TEKT5: variants seen among roughly 807,000 people sequenced by gnomAD.
TEKT5 encodes the protein tektin-5.
TEKT5 carries 52 observed loss-of-function variants against 48.7 expected under a neutral mutation model. The ratio of observed to expected loss-of-function variants is 1.07; its 90% CI spans 0.86 to 1.35. TEKT5 has a LOEUF of 1.35. Among genes scored for constraint, TEKT5 ranks in the 40% most tolerant of loss-of-function variants. TEKT5 has a pLI of 0.00. For synonymous variants in TEKT5, 318 were observed against 267.6 expected (o/e 1.19, Z -1.84); for missense variants, 831 against 641.6 (o/e 1.30, Z -3.19).
intron 5 of TEKT5, among the ~76,000 whole-genome samples, chr16:10,672,435 T>A (rs1898564625): frequency 6.6e-6 from 1 of 151,874 alleles, no homozygotes; most frequent in African/African-American, 2.4e-5. Flanking sequence ...CTACAAAAAA[T>A]ACAAAAATTA....
chr16:10,693,815 C>CA (rs1247822893), intron 1 of TEKT5, among the ~76,000 whole-genome samples: 1 of 152,074 alleles, frequency 6.6e-6, no homozygotes, highest in African/African-American at 2.4e-5. Context: ...ACTAAAAATA[C>CA]AAAAATTAGC....
chr16:10,688,830 G>A (rs1285765230), intron 3 of TEKT5, among the ~76,000 whole-genome samples: 1 of 152,188 alleles, frequency 6.6e-6, no homozygotes, highest in Non-Finnish European at 1.5e-5. Flanking sequence ...CCAGCCCCTG[G>A]CCTTGCTACC....
intron 5 of TEKT5, among the ~76,000 whole-genome samples, chr16:10,637,399 GGAA>G (rs1897930998): frequency 6.6e-6 from 1 of 151,292 alleles, no homozygotes; most frequent in African/African-American, 2.4e-5. Context: ...GAATAAAGAA[GGAA>G]GAAGGGAAGG....
At chr16:10,689,456 G>C in intron 2 of TEKT5, 133 bp from the exon 3 acceptor site, 1 of 752,220 alleles carries the variant, frequency 1.3e-6, no homozygotes, top group South Asian at 1.7e-5. Flanking sequence ...TGTCAGCGTG[G>C]GGCCCCGCCT....
intron 1 of TEKT5, chr16:10,691,202 G>GCCTATAGTC (rs981392907): frequency 6.6e-6 from 1 of 152,278 alleles, no homozygotes; most frequent in Non-Finnish European, 1.5e-5. Context: ...GGTGGTGCAT[G>GCCTATAGTC]CCTATAGTCC....
chr16:10,630,130 C>T (rs1897816812), intron 6 of TEKT5, among the ~76,000 whole-genome samples: 1 of 152,080 alleles, frequency 6.6e-6, no homozygotes, highest in South Asian at 2.1e-4. Flanking sequence ...GACAGGGTTT[C>T]ACCATGTTGC....
intron 5 of TEKT5, among the ~76,000 whole-genome samples, chr16:10,656,337 T>G (rs1210368812): frequency 6.6e-6 from 1 of 152,238 alleles, no homozygotes; most frequent in Non-Finnish European, 1.5e-5. Flanking sequence ...CTGCAATCTA[T>G]GCCTCCTGGG....
At chr16:10,691,622 G>C (rs1898978442) in intron 1 of TEKT5, among the ~76,000 whole-genome samples, 1 of 152,114 alleles carries the variant, frequency 6.6e-6, no homozygotes, top group Admixed American at 6.6e-5. Flanking sequence ...AGGGGTTATG[G>C]GGAGGGGTGG....
intron 1 of TEKT5, chr16:10,690,844 A>G: frequency 1.1e-6 from 1 of 939,546 alleles, no homozygotes; most frequent in Non-Finnish European, 1.3e-6. Flanking sequence ...AGGAAGCAGG[A>G]TGTCAAGGTC....
At chr16:10,652,992 G>C (rs890790131) in intron 5 of TEKT5, among the ~76,000 whole-genome samples, 1 of 151,856 alleles carries the variant, frequency 6.6e-6, no homozygotes, top group Non-Finnish European at 1.5e-5. Context: ...CACATGCACA[G>C]AGCTGGCATC....
intron 1 of TEKT5, among the ~76,000 whole-genome samples, chr16:10,692,392 G>A (rs1368359183): frequency 6.6e-6 from 1 of 152,136 alleles, no homozygotes; most frequent in Non-Finnish European, 1.5e-5. Context: ...GAGATCCGGA[G>A]GCAGGATCTC....
At chr16:10,629,987 G>A (rs1897814561) in intron 6 of TEKT5, among the ~76,000 whole-genome samples, 1 of 152,062 alleles carries the variant, frequency 6.6e-6, no homozygotes, top group Non-Finnish European at 1.5e-5. Flanking sequence ...CTAGGCCAGA[G>A]TGCAGTGGTG....
At chr16:10,647,709 CTT>C (rs1013048366) in intron 5 of TEKT5, among the ~76,000 whole-genome samples, 1 of 152,216 alleles carries the variant, frequency 6.6e-6, no homozygotes, top group African/African-American at 2.4e-5. Context: ...GGACCTGAAA[CTT>C]TACAAAAGGC....
chr16:10,680,030 G>A (rs986383652), intron 4 of TEKT5, among the ~76,000 whole-genome samples: 2 of 152,364 alleles, frequency 1.3e-5, no homozygotes, highest in African/African-American at 2.4e-5. Flanking sequence ...GGGACTTTAA[G>A]GAGCAGGTCC....
At chr16:10,640,127 C>CTTCCTCCTCCCCCTTTCCTCCTCCCCCT (rs763263224) in intron 5 of TEKT5, among the ~76,000 whole-genome samples, 1 of 131,170 alleles carries the variant, frequency 7.6e-6, no homozygotes, top group Admixed American at 7.9e-5. Context: ...CTCCTCCCCC[C>CTTCCTCCTCCCCCTTTCCTCCTCCCCCT]TTCCTCCTCC....
chr16:10,668,645 AG>A (rs1157182328), intron 5 of TEKT5, among the ~76,000 whole-genome samples: 1 of 152,168 alleles, frequency 6.6e-6, no homozygotes, highest in African/African-American at 2.4e-5. Flanking sequence ...CTTCCTGGGA[AG>A]GGGTGGTTTT....
chr16:10,647,210 C>T (rs950616654), intron 5 of TEKT5, among the ~76,000 whole-genome samples: 1 of 152,050 alleles, frequency 6.6e-6, no homozygotes, highest in Non-Finnish European at 1.5e-5. Context: ...TGGCTGACAA[C>T]TGTGGTCCCA....
At chr16:10,692,191 A>G (rs1898992144) in intron 1 of TEKT5, among the ~76,000 whole-genome samples, 1 of 152,168 alleles carries the variant, frequency 6.6e-6, no homozygotes, top group Non-Finnish European at 1.5e-5. Flanking sequence ...TGGACTTTCC[A>G]GACAGGATGG....
At chr16:10,648,597 G>A (rs1434189945) in intron 5 of TEKT5, among the ~76,000 whole-genome samples, 1 of 152,158 alleles carries the variant, frequency 6.6e-6, no homozygotes, top group Non-Finnish European at 1.5e-5. Context: ...CTCCCAAAGT[G>A]CTGGGATTAC....
Sources: gnomAD v4.1 joint callset for allele counts (sites outside exome capture counted in the v4.1 genomes callset) on GRCh38, gnomAD v4.1.1 for gene constraint, MANE v1.5 for transcripts, NCBI Gene and HGNC (gene_info 2026-07-23, HGNC 2026-07-21) for gene names.